The following COL21A1 variants were observed in gnomAD, a reference collection of about 807,000 sequenced individuals.
The protein encoded by COL21A1 is collagen alpha-1(XXI) chain.
COL21A1 carries 149 observed loss-of-function variants against 137.9 expected under a neutral mutation model. That is an observed-to-expected ratio of 1.08 (90% CI 0.95 to 1.24). COL21A1 has a LOEUF of 1.24. Ranked by LOEUF, COL21A1 falls within the 50% of genes most tolerant of loss-of-function variation. The pLI is 0.00. For synonymous variants in COL21A1, 456 were observed against 391.5 expected, an observed-to-expected ratio of 1.16 and a Z score of -1.95; for missense variants, 1,167 against 1,158.4, an observed-to-expected ratio of 1.01 and a Z score of -0.11.
intron 12 of COL21A1, among the ~76,000 whole-genome samples, chr6:56,137,963 C>T (rs1374563650): frequency 6.6e-6 from 1 of 152,144 alleles, no homozygotes; most frequent in Non-Finnish European, 1.5e-5. Flanking sequence ...GGACACTCAA[C>T]AATGCCTAAT....
chr6:56,277,239 C>T (rs1484726714), intron 1 of COL21A1, among the ~76,000 whole-genome samples: 1 of 152,116 alleles, frequency 6.6e-6, no homozygotes, highest in Non-Finnish European at 1.5e-5. Context: ...TGGTGGGCTG[C>T]ACCCATTAAC....
chr6:56,087,600 C>A (rs1183593146), intron 17 of COL21A1, among the ~76,000 whole-genome samples: 2 of 152,126 alleles, frequency 1.3e-5, no homozygotes, highest in Non-Finnish European at 2.9e-5. Context: ...GTTATACAAC[C>A]AAAAGACTGC....
At chr6:56,188,111 A>G (rs950590788) in intron 1 of COL21A1, among the ~76,000 whole-genome samples, 2 of 152,222 alleles carry the variant, frequency 1.3e-5, no homozygotes, top group Non-Finnish European at 2.9e-5. Context: ...ACCTACAAAA[A>G]TAGCTAAAAT....
chr6:56,301,581 AC>A (rs1294733449), intron 1 of COL21A1, among the ~76,000 whole-genome samples: 1 of 152,192 alleles, frequency 6.6e-6, no homozygotes, highest in Non-Finnish European at 1.5e-5. Context: ...CTAACTACAG[AC>A]ATCAGAAACA....
chr6:56,101,343 C>T (rs993932524), intron 17 of COL21A1, 129 bp downstream of exon 17: 13 of 724,352 alleles, frequency 1.8e-5, no homozygotes, highest in African/African-American at 1.6e-4. Context: ...GCAGCTTCTA[C>T]AACATCTAAA....
chr6:56,276,401 A>C (rs1286517608), intron 1 of COL21A1: 4 of 562,444 alleles, frequency 7.1e-6, no homozygotes, highest in Non-Finnish European at 1.3e-5. Context: ...TAATTTTTAA[A>C]AAGGTTTCCT....
At chr6:56,386,603 T>G (rs6901095) in intron 1 of COL21A1, among the ~76,000 whole-genome samples, 2,279 of 152,220 alleles carry the variant, frequency 0.015, 51 homozygotes, top group African/African-American at 0.048. Context: ...TGTTGTTGTT[T>G]TTTTTTAAGT....
chr6:56,266,042 A>G (rs73745434), intron 1 of COL21A1, among the ~76,000 whole-genome samples: 190 of 152,318 alleles, frequency 1.2e-3, no homozygotes, highest in African/African-American at 4.4e-3. Context: ...TAACGAGGCA[A>G]TTTTACTCTG....
chr6:56,344,617 AT>A (rs1765548468), intron 1 of COL21A1, among the ~76,000 whole-genome samples: 1 of 152,154 alleles, frequency 6.6e-6, no homozygotes, highest in African/African-American at 2.4e-5. Context: ...TCGTTATTTC[AT>A]TTACCCCATA....
chr6:56,076,035 A>T (rs1767206881), intron 18 of COL21A1, among the ~76,000 whole-genome samples: 1 of 151,468 alleles, frequency 6.6e-6, no homozygotes, highest in Non-Finnish European at 1.5e-5. Context: ...GTATTCAAAG[A>T]TCTCTCATTT....
At chr6:56,238,976 T>C (rs1299238147) in intron 1 of COL21A1, among the ~76,000 whole-genome samples, 1 of 152,198 alleles carries the variant, frequency 6.6e-6, no homozygotes, top group African/African-American at 2.4e-5. Flanking sequence ...GTAGGTCCTC[T>C]GAATACACAC....
At chr6:56,302,913 G>A (rs1428954300) in intron 1 of COL21A1, among the ~76,000 whole-genome samples, 24 of 152,296 alleles carry the variant, frequency 1.6e-4, no homozygotes, top group Admixed American at 1.2e-3. Flanking sequence ...TGCATAAGGT[G>A]TAAGGAAGGG....
At chr6:56,277,603 A>C (rs1763698278) in intron 1 of COL21A1, among the ~76,000 whole-genome samples, 1 of 152,224 alleles carries the variant, frequency 6.6e-6, no homozygotes, top group Non-Finnish European at 1.5e-5. Flanking sequence ...ATAATTTATA[A>C]AAATATACCA....
chr6:56,217,451 TAAGA>T (rs1220869493), intron 1 of COL21A1, among the ~76,000 whole-genome samples: 1 of 152,058 alleles, frequency 6.6e-6, no homozygotes, highest in Non-Finnish European at 1.5e-5. Flanking sequence ...TACATTTCAA[TAAGA>T]AACTCCCTAT....
chr6:56,305,346 C>T (rs1248306530), intron 1 of COL21A1, among the ~76,000 whole-genome samples: 1 of 152,066 alleles, frequency 6.6e-6, no homozygotes, highest in African/African-American at 2.4e-5. Context: ...TAAAGTCTCC[C>T]ATGATTATTG....
intron 1 of COL21A1, among the ~76,000 whole-genome samples, chr6:56,390,647 A>T (rs1411431007): frequency 6.6e-6 from 1 of 152,136 alleles, no homozygotes; most frequent in African/African-American, 2.4e-5. Flanking sequence ...AAAGAGCAGG[A>T]GTACCTACAC....
At chr6:56,151,744 A>G (rs1203767456) in intron 10 of COL21A1, among the ~76,000 whole-genome samples, 1 of 152,116 alleles carries the variant, frequency 6.6e-6, no homozygotes, top group Non-Finnish European at 1.5e-5. Flanking sequence ...GTTCCTTCCA[A>G]GTTTCCTTGG....
chr6:56,081,840 A>G (rs537825569), intron 17 of COL21A1, among the ~76,000 whole-genome samples: 1 of 152,034 alleles, frequency 6.6e-6, no homozygotes, highest in Non-Finnish European at 1.5e-5. Context: ...ACCCAAAGAT[A>G]AACAATTTAA....
intron 1 of COL21A1, among the ~76,000 whole-genome samples, chr6:56,377,510 C>T (rs2094001486): frequency 6.6e-6 from 1 of 152,152 alleles, no homozygotes; most frequent in Admixed American, 6.5e-5. Context: ...AGCTGACATT[C>T]ACCTATAGAG....
Sources: gnomAD v4.1 joint callset for allele counts (sites outside exome capture counted in the v4.1 genomes callset) on GRCh38, gnomAD v4.1.1 for gene constraint, MANE v1.5 for transcripts, NCBI Gene and HGNC (gene_info 2026-07-23, HGNC 2026-07-21) for gene names.